SGCZ: variants seen among roughly 807,000 people sequenced by gnomAD.
SGCZ encodes the protein zeta-sarcoglycan.
In SGCZ, 40 loss-of-function variants were observed where a neutral mutation model predicts 41.3. That is an observed-to-expected ratio of 0.97 (90% CI 0.75 to 1.26). The LOEUF (loss-of-function observed/expected upper bound fraction) is 1.26, where lower values mean the gene tolerates loss of function less well. Ranked by LOEUF, SGCZ falls within the 50% of genes most tolerant of loss-of-function variation. The pLI is 0.00. For missense variants in SGCZ, 552 were observed against 369.8 expected (o/e 1.49, Z -4.04); for synonymous variants, 206 against 137.5 (o/e 1.50, Z -3.49).
At chr8:14,485,937 G>A (rs975375395) in intron 2 of SGCZ, among the ~76,000 whole-genome samples, 8 of 142,582 alleles carry the variant, frequency 5.6e-5, no homozygotes, top group African/African-American at 1.8e-4. Flanking sequence ...CGCTTCCCGG[G>A]TTCGCGCCAT....
chr8:14,778,600 C>T (rs928048704), intron 1 of SGCZ, among the ~76,000 whole-genome samples: 16 of 151,888 alleles, frequency 1.1e-4, no homozygotes, highest in Non-Finnish European at 1.0e-4. Flanking sequence ...ACCTATGTTA[C>T]GGATATATAA....
chr8:14,406,470 C>A (rs1799214178), intron 2 of SGCZ, among the ~76,000 whole-genome samples: 1 of 152,032 alleles, frequency 6.6e-6, no homozygotes, highest in African/African-American at 2.4e-5. Context: ...TGCTGGGGAG[C>A]CAGATGCTTA....
chr8:15,186,075 A>C (rs1024644482), intron 1 of SGCZ, among the ~76,000 whole-genome samples: 1 of 140,930 alleles, frequency 7.1e-6, no homozygotes, highest in African/African-American at 2.5e-5. Context: ...TAAAAAAAAT[A>C]AATAAATAAA....
chr8:14,599,475 T>C (rs112293684), intron 1 of SGCZ, among the ~76,000 whole-genome samples: 1 of 152,154 alleles, frequency 6.6e-6, no homozygotes, highest in South Asian at 2.1e-4. Context: ...CAAGTGTAAA[T>C]GTCACTGTGG....
chr8:15,137,170 G>A (rs945716841), intron 1 of SGCZ, among the ~76,000 whole-genome samples: 1 of 152,084 alleles, frequency 6.6e-6, no homozygotes, highest in African/African-American at 2.4e-5. Flanking sequence ...CTCTTACTAT[G>A]TTTTAGCAAA....
chr8:14,638,024 T>A (rs578195566), intron 1 of SGCZ, among the ~76,000 whole-genome samples: 1 of 151,774 alleles, frequency 6.6e-6, no homozygotes, highest in African/African-American at 2.4e-5. Context: ...TAGTCTGAGG[T>A]TATATTTCAT....
chr8:14,392,063 A>G (rs1804796558), intron 2 of SGCZ, among the ~76,000 whole-genome samples: 1 of 152,142 alleles, frequency 6.6e-6, no homozygotes, highest in African/African-American at 2.4e-5. Context: ...AACTATAGCA[A>G]GGGGAGATGG....
intron 2 of SGCZ, among the ~76,000 whole-genome samples, chr8:14,480,935 T>C (rs1237824646): frequency 1.3e-5 from 2 of 152,030 alleles, no homozygotes; most frequent in Non-Finnish European, 2.9e-5. Context: ...ATAAAAGACT[T>C]GTAAAGACTT....
At chr8:14,906,912 C>G in intron 1 of SGCZ, among the ~76,000 whole-genome samples, 1 of 152,212 alleles carries the variant, frequency 6.6e-6, no homozygotes, top group South Asian at 2.1e-4. Flanking sequence ...GTTATGGAGT[C>G]AAAGTATTTT....
chr8:14,814,117 G>C (rs1333995936), intron 1 of SGCZ, among the ~76,000 whole-genome samples: 1 of 152,106 alleles, frequency 6.6e-6, no homozygotes, highest in Non-Finnish European at 1.5e-5. Flanking sequence ...TTAAGAACAG[G>C]ATATAGGAAA....
intron 5 of SGCZ, among the ~76,000 whole-genome samples, chr8:14,137,522 T>C (rs538634065): frequency 2.9e-4 from 44 of 152,264 alleles, no homozygotes; most frequent in African/African-American, 9.9e-4. Flanking sequence ...ATGAGAACTA[T>C]GTGATGCATG....
intron 2 of SGCZ, among the ~76,000 whole-genome samples, chr8:14,534,217 AAGG>A (rs1338337013): frequency 6.6e-6 from 1 of 152,102 alleles, no homozygotes; most frequent in East Asian, 2.0e-4. Flanking sequence ...AGGAAATATG[AAGG>A]AGAAGAGAAG....
intron 1 of SGCZ, among the ~76,000 whole-genome samples, chr8:15,203,196 T>C (rs1800952027): frequency 6.6e-6 from 1 of 152,236 alleles, no homozygotes; most frequent in Non-Finnish European, 1.5e-5. Context: ...GTATCTTTTC[T>C]GGAAGTTTGT....
At chr8:15,196,565 A>ATTTAAC (rs71211016) in intron 1 of SGCZ, among the ~76,000 whole-genome samples, 57,877 of 151,904 alleles carry the variant, frequency 0.38, 12,297 homozygotes, top group Non-Finnish European at 0.46. Flanking sequence ...CAAAGTTTTC[A>ATTTAAC]TTTGACTACA....
intron 1 of SGCZ, among the ~76,000 whole-genome samples, chr8:15,087,480 G>A (rs189516972): frequency 3.1e-4 from 47 of 152,128 alleles, no homozygotes; most frequent in Admixed American, 1.0e-3. Context: ...GTTTTGGCAC[G>A]TTTTTGAAAA....
At chr8:14,356,340 C>T (rs989761498) in intron 2 of SGCZ, among the ~76,000 whole-genome samples, 2 of 152,158 alleles carry the variant, frequency 1.3e-5, no homozygotes, top group African/African-American at 4.8e-5. Context: ...TTACAAGCTG[C>T]TGGTGTTTAT....
At chr8:14,535,565 A>C (rs551515833) in intron 2 of SGCZ, among the ~76,000 whole-genome samples, 1 of 152,084 alleles carries the variant, frequency 6.6e-6, no homozygotes, top group African/African-American at 2.4e-5. Flanking sequence ...TAGGAAACAA[A>C]TCCTATTATC....
chr8:14,899,723 A>G (rs1046655552), intron 1 of SGCZ, among the ~76,000 whole-genome samples: 4 of 152,118 alleles, frequency 2.6e-5, no homozygotes, highest in Non-Finnish European at 5.9e-5. Flanking sequence ...AGGAGGGTAG[A>G]AGAATATACC....
chr8:15,030,611 T>C (rs149600270), intron 1 of SGCZ, among the ~76,000 whole-genome samples: 11 of 152,264 alleles, frequency 7.2e-5, no homozygotes, highest in African/African-American at 2.6e-4. Context: ...ATTCGTTAAG[T>C]GGAGTATTTG....
Sources: gnomAD v4.1 joint callset for allele counts (sites outside exome capture counted in the v4.1 genomes callset) on GRCh38, gnomAD v4.1.1 for gene constraint, MANE v1.5 for transcripts, NCBI Gene and HGNC (gene_info 2026-07-23, HGNC 2026-07-21) for gene names.